CPLANE1: variants seen among roughly 807,000 people sequenced by gnomAD.
The protein encoded by CPLANE1 is ciliogenesis and planar polarity effector complex subunit 1.
Under a neutral mutation model 362.5 loss-of-function variants are expected in CPLANE1, and 263 were observed. The observed-to-expected ratio is 0.73, with a 90% CI of 0.66 to 0.80. The LOEUF (loss-of-function observed/expected upper bound fraction) is 0.80, where lower values mean the gene tolerates loss of function less well. Ranked by LOEUF, CPLANE1 falls within the 30% of genes least tolerant of loss-of-function variation. The pLI, the probability that CPLANE1 is intolerant of heterozygous loss-of-function variation, is 0.00. For synonymous variants in CPLANE1, 1,212 were observed against 1,302.6 expected (o/e 0.93, Z 1.50); for missense variants, 3,461 against 3,793.4 (o/e 0.91, Z 2.30).
At chr5:37,118,502 T>C (rs1185673903) in intron 50 of CPLANE1, among the ~76,000 whole-genome samples, 1 of 151,922 alleles carries the variant, frequency 6.6e-6, no homozygotes, top group Non-Finnish European at 1.5e-5. Context: ...TGAGGCAGCA[T>C]ACTGAAGTGT....
intron 20 of CPLANE1, among the ~76,000 whole-genome samples, chr5:37,198,447 AC>A (rs1464481870): frequency 6.6e-6 from 1 of 151,562 alleles, no homozygotes; most frequent in East Asian, 1.9e-4. Flanking sequence ...AAAAAAAAAA[AC>A]TGTAATTGCC....
intron 46 of CPLANE1, among the ~76,000 whole-genome samples, chr5:37,132,987 G>C (rs756194858): frequency 2.0e-5 from 3 of 152,078 alleles, no homozygotes; most frequent in African/African-American, 7.2e-5. Flanking sequence ...ATTCTTCTGC[G>C]TATGGCTAAC....
In CPLANE1 at chr5:37,164,266, T is replaced by C. The variant is rs773662834; in HGVS notation, c.7588+7A>G. 1.1e-5 allele frequency: 17 copies of C among 1,604,994 alleles called. No individual in the cohort carries two copies. In the Admixed American group the frequency reaches 1.2e-4, roughly 11 times the overall value. On this transcript the variant is annotated splice_region_variant and intron_variant, in intron 37 of 52. Transcript: ENST00000651892. ...TTAGACATTACATTAATCATACACA[T>C]ACATACCAAAAGGAACGTCGAAGTC...
chr5:37,149,194 G>A (rs1580181018), intron 42 of CPLANE1, among the ~76,000 whole-genome samples: 2 of 152,110 alleles, frequency 1.3e-5, no homozygotes, highest in Admixed American at 6.5e-5. Flanking sequence ...CCCAGTGGAT[G>A]CCTGAAACGG....
At chr5:37,245,350 T>TATAC (rs1554117324) in intron 4 of CPLANE1, 129 bp downstream of exon 4, 8 of 108,830 alleles carry the variant, frequency 7.4e-5, no homozygotes, top group Admixed American at 1.1e-4. Flanking sequence ...TATATATATA[T>TATAC]ACACACACTC....
chr5:37,213,833 T>A (rs990984121), intron 15 of CPLANE1, 101 bp from the exon 16 acceptor site: 6 of 926,768 alleles, frequency 6.5e-6, no homozygotes, highest in Non-Finnish European at 9.1e-6. Flanking sequence ...GCAATACCTT[T>A]TTTTCTGAGA....
rs1161096932 is a variant in CPLANE1, at chr5:37,206,231, G to A, written c.3115C>T (p.Gln1039Ter). The A allele has an allele frequency of 6.4e-7, 1 of 1,551,682 alleles. No homozygotes were observed. The highest frequency in any genetic ancestry group is 1.4e-5 in the African/African-American group (1 of 73,028). The change falls in exon 17 of 53, where the codon CAG (glutamine) becomes TAG (stop). Residue 1039 changes from glutamine (Q) to a stop codon, truncating the protein, a stop_gained. Coordinates refer to ENST00000651892, the MANE Select transcript of CPLANE1 (RefSeq NM_001384732.1). LOFTEE classifies it high-confidence loss of function. The part of the protein sequence containing the change: ...KTSVSIGVAF[Q>*]LFCKRDSNFM... ...TTGCTATCACGTTTACAGAACAGCT[G>A]GAAAGCCACACCAATTGAAACAGAC...
intron 16 of CPLANE1, chr5:37,210,012 C>A: frequency 1.2e-6 from 1 of 854,760 alleles, no homozygotes; most frequent in East Asian, 2.4e-5. Flanking sequence ...AGAAATATGT[C>A]AAAAGTTGAA....
At chr5:37,176,535 T>C (rs542642903) in intron 30 of CPLANE1, among the ~76,000 whole-genome samples, 1 of 152,102 alleles carries the variant, frequency 6.6e-6, no homozygotes, top group East Asian at 1.9e-4. Context: ...CAAGACCCTG[T>C]TTCCAAAAAA....
the CPLANE1 span, among the ~76,000 whole-genome samples, chr5:37,087,032 TATTAGCTCAACAGAAAC>T: frequency 6.6e-6 from 1 of 152,170 alleles, no homozygotes; most frequent in Non-Finnish European, 1.5e-5. Flanking sequence ...GGACAACAGT[TATTAGCTCAACAGAAAC>T]AGTATATAAA....
At chr5:37,186,608 G>A (rs1784057089) in intron 23 of CPLANE1, among the ~76,000 whole-genome samples, 1 of 152,108 alleles carries the variant, frequency 6.6e-6, no homozygotes, top group Non-Finnish European at 1.5e-5. Flanking sequence ...GACAAAAACT[G>A]TGTATATTCA....
intron 46 of CPLANE1, among the ~76,000 whole-genome samples, chr5:37,127,953 C>T (rs1278758611): frequency 6.6e-6 from 1 of 151,922 alleles, no homozygotes; most frequent in Non-Finnish European, 1.5e-5. Flanking sequence ...GTGGGAGAAT[C>T]ACTTAAGCCT....
chr5:37,245,514 G>C lies in CPLANE1; in HGVS notation c.302C>G (p.Thr101Ser). 1 of 1,501,180 alleles carries C rather than the reference G, an allele frequency of 6.7e-7. No homozygotes were observed. Among genetic ancestry groups the C allele is most frequent in the Non-Finnish European group, 8.9e-7 (1 of 1,121,186 alleles). 93.0% of individuals were successfully genotyped at this position (1,501,180 alleles called of 1,614,324 possible). A position where few individuals can be genotyped will look rare whatever the true frequency, so the allele number is the denominator to read the frequency against. Residue 101 changes from threonine to serine, a missense_variant, in exon 4 of 53, where the codon ACT (threonine) becomes AGT (serine). Transcript: ENST00000651892. ...DQDCLKTIPI[T>S]EKPKEMIKAT... ...TTTGATCATTTCCTTAGGCTTTTCAGTTATTGGTATAGTTTTCAAACAATC... is the reference window on the plus strand; with the variant it reads ...TTTGATCATTTCCTTAGGCTTTTCACTTATTGGTATAGTTTTCAAACAATC...
At chr5:37,138,681 C>T (rs1768611826) in intron 46 of CPLANE1, 39 bp downstream of exon 46, 1 of 1,570,334 alleles carries the variant, frequency 6.4e-7, no homozygotes, top group African/African-American at 1.4e-5. Context: ...GAATGAGAAG[C>T]ATTTTAAACA....
chr5:37,219,314 G>A (rs1794845893), intron 15 of CPLANE1, among the ~76,000 whole-genome samples: 1 of 151,318 alleles, frequency 6.6e-6, no homozygotes, highest in South Asian at 2.1e-4. Flanking sequence ...TGGATCACGA[G>A]GTCAGGAGTT....
At chr5:37,085,169 G>C in the CPLANE1 span, 1 of 797,356 alleles carries the variant, frequency 1.3e-6, no homozygotes, top group Non-Finnish European at 2.3e-6. Context: ...CTCACAAGTT[G>C]AGAGAGTGTC....
intron 4 of CPLANE1, among the ~76,000 whole-genome samples, chr5:37,244,816 C>T (rs764264441): frequency 9.9e-5 from 15 of 151,946 alleles, no homozygotes; most frequent in Non-Finnish European, 1.2e-4. Context: ...GGAGACGGAT[C>T]GCTTTAGCCC....
chr5:37,143,554 A>G, intron 43 of CPLANE1, among the ~76,000 whole-genome samples: 1 of 152,276 alleles, frequency 6.6e-6, no homozygotes, highest in East Asian at 1.9e-4. Flanking sequence ...AGCAAAAAAG[A>G]GAATTAGTAA....
intron 42 of CPLANE1, among the ~76,000 whole-genome samples, chr5:37,150,303 C>T (rs1773122417): frequency 6.6e-6 from 1 of 152,112 alleles, no homozygotes. Flanking sequence ...CCACAAGATT[C>T]TTTACCCTCT....
Sources: allele counts gnomAD v4.1 joint callset (sites outside exome capture counted in the v4.1 genomes callset), GRCh38; gene constraint gnomAD v4.1.1; transcripts MANE v1.5; gene names NCBI Gene and HGNC (gene_info 2026-07-23, HGNC 2026-07-21).